HPS1: variants seen among roughly 807,000 people sequenced by gnomAD.
The protein encoded by HPS1 is HPS1 biogenesis of lysosomal organelles complex 3 subunit 1.
In HPS1, 59 loss-of-function variants were observed where a neutral mutation model predicts 90.6. The observed-to-expected ratio is 0.65, with a 90% CI of 0.53 to 0.81. HPS1 has a LOEUF of 0.81. Among genes scored for constraint, HPS1 ranks in the 30% least tolerant of loss-of-function variants. The pLI, the probability that HPS1 is intolerant of heterozygous loss-of-function variation, is 0.00. For missense variants in HPS1, 849 were observed against 896.7 expected, an observed-to-expected ratio of 0.95 and a Z score of 0.68; for synonymous variants, 388 against 384.4, an observed-to-expected ratio of 1.01 and a Z score of -0.11.
At chr10:98,426,118 C>G in intron 11 of HPS1, 133 bp from the exon 12 acceptor site, 1 of 747,388 alleles carries the variant, frequency 1.3e-6, no homozygotes, top group Non-Finnish European at 2.2e-6. Context: ...TTCCTGCACT[C>G]TGCTGAACCT....
In HPS1 at chr10:98,433,118, G is replaced by T. The variant is rs1846738578; in HGVS notation, c.507+865C>A. The stretch of plus-strand genomic sequence containing the variant: ...GTGGTGGCACGTGCCTGTAATCCCA[G>T]CTACTCAGGAGGCTGAGGCAGGAGA... On this transcript the variant is annotated intron_variant, in intron 6 of 19. Transcript: ENST00000361490. Among the ~76,000 whole-genome samples, 7 of 151,900 alleles carry T rather than the reference G, an allele frequency of 4.6e-5. No homozygotes were observed. In the South Asian group the frequency reaches 1.2e-3, roughly 27 times the overall value.
chr10:98,414,932 T>A, downstream of HPS1: 66 of 1,506,556 alleles, frequency 4.4e-5, no homozygotes, highest in Non-Finnish European at 5.6e-5. Context: ...TGGCTCCCCC[T>A]CCCCCTCCCC....
chr10:98,437,910 G>C (rs1163561986), intron 3 of HPS1, among the ~76,000 whole-genome samples: 1 of 152,118 alleles, frequency 6.6e-6, no homozygotes, highest in Non-Finnish European at 1.5e-5. Flanking sequence ...CATGGGGGTG[G>C]TTCCCCCAGG....
Position 98,417,722 on chromosome 10 carries a change from G to A in HPS1, c.1945C>T (p.Leu649Phe). 6.2e-7 allele frequency: 1 copy of A among 1,613,754 alleles called. No individual in the cohort carries two copies. The highest frequency in any genetic ancestry group is 1.3e-5 in the African/African-American group (1 of 75,034). Reference sequence around the variant, plus strand: ...CGGTTCTTGCTGTAGTAGCGCAGGAGCTTCCTGGGGAGGAAGGGGAGGATG... The same window carrying A: ...CGGTTCTTGCTGTAGTAGCGCAGGAACTTCCTGGGGAGGAAGGGGAGGATG... ...GMLGGDYYRK[L>F]LRYYSKNRPT... Residue 649 changes from leucine to phenylalanine, a missense_variant, in exon 20 of 20, where the codon CTC becomes TTC. By Grantham distance (22) the Leu-to-Phe change is conservative. Transcript: ENST00000361490. This position sits in a 1 kb window ranked among gnomAD's most constrained non-coding sequence, Gnocchi z 4.2.
At chr10:98,415,040 C>T (rs771032454), downstream of HPS1, 3 of 1,614,000 alleles carry the variant, frequency 1.9e-6, no homozygotes, top group South Asian at 2.2e-5. Context: ...CATACTCAGG[C>T]TTCAGACCTC....
chr10:98,420,022 C>G, intron 18 of HPS1, 23 bp downstream of exon 18: 2 of 1,469,668 alleles, frequency 1.4e-6, no homozygotes, highest in Non-Finnish European at 1.9e-6. Context: ...CCCGTCCTGG[C>G]CCAGGGACTC....
At chr10:98,420,205 C>G (rs1844673264) in intron 17 of HPS1, 47 bp from the exon 18 acceptor site, 4 of 1,382,652 alleles carry the variant, frequency 2.9e-6, no homozygotes, top group Middle Eastern at 1.8e-4. Context: ...CCTTGGTCTG[C>G]CTGGGCAGCT....
At chr10:98,443,596 G>A (rs1938852240) in intron 2 of HPS1, among the ~76,000 whole-genome samples, 2 of 152,322 alleles carry the variant, frequency 1.3e-5, no homozygotes, top group African/African-American at 4.8e-5. Flanking sequence ...GGCACAGGAA[G>A]GGACCCAGGT....
At chr10:98,415,025 C>G, downstream of HPS1, 1 of 1,613,696 alleles carries the variant, frequency 6.2e-7, no homozygotes, top group Non-Finnish European at 8.5e-7. Context: ...CTATCACCAC[C>G]GCATCATACT....
intron 3 of HPS1, among the ~76,000 whole-genome samples, chr10:98,440,237 A>G (rs75986558): frequency 0.013 from 2,022 of 152,330 alleles, 47 homozygotes; most frequent in African/African-American, 0.045. Context: ...ATAAAGTAGT[A>G]CAATATCTTT....
chr10:98,435,848 C>A lies in HPS1; in HGVS notation c.118-76G>T. The A allele has an allele frequency of 6.3e-7, 1 of 1,590,654 alleles. No homozygotes were observed. Among genetic ancestry groups the A allele is most frequent in the South Asian group, 1.1e-5 (1 of 90,156 alleles). On this transcript the variant is annotated intron_variant, in intron 3 of 19. Coordinates refer to ENST00000361490, the MANE Select transcript of HPS1 (RefSeq NM_000195.5). The surrounding 1 kb of genome is among the most constrained non-coding windows in gnomAD (Gnocchi z 4.3). ...AACTAAGGAAGGGACAAGATCAGGC[C>A]TTGATATCAAGGGTTCCATAGTGTT...
At position 98,435,251 on chromosome 10, in the gene HPS1, G is replaced by C; in HGVS notation, c.398+21C>G. On this transcript the variant is annotated intron_variant, in intron 5 of 19. Transcript: ENST00000361490. This position sits in a 1 kb window ranked among gnomAD's most constrained non-coding sequence, Gnocchi z 4.3. ...GAGGGTGCTCGGCAAAGGACAGAGGGGACCAGCTTTGAAGACTCACTCCTT... is the reference window on the plus strand; with the variant it reads ...GAGGGTGCTCGGCAAAGGACAGAGGCGACCAGCTTTGAAGACTCACTCCTT... 2 of 1,613,876 alleles carry C rather than the reference G, an allele frequency of 1.2e-6. No homozygotes were observed. Among genetic ancestry groups the C allele is most frequent in the Non-Finnish European group, 1.7e-6 (2 of 1,180,028 alleles).
At chr10:98,422,616 A>G (rs1591033212) in intron 16 of HPS1, 103 bp from the exon 17 acceptor site, 1 of 1,180,342 alleles carries the variant, frequency 8.5e-7, no homozygotes, top group Non-Finnish European at 1.3e-6. Flanking sequence ...GAGGGCCAGG[A>G]CTGCCTCTTT....
rs752255371 is a variant in HPS1 at position 98,429,779 on chromosome 10, C to CA, written c.867+11dup. 2.2e-5 allele frequency: 35 copies of CA among 1,613,874 alleles called. No homozygotes were observed. In the South Asian group the frequency reaches 3.7e-4, roughly 17 times the overall value. On this transcript the variant is annotated intron_variant, in intron 9 of 19. Transcript: ENST00000361490. Reference sequence around the variant, plus strand: ...CTCCTGCCCCTGACTCCACGAAGTGCACAGCACACACCGTCTCTGCAGAGC... The same window carrying CA: ...CTCCTGCCCCTGACTCCACGAAGTGCAACAGCACACACCGTCTCTGCAGAGC...
rs1314055121 is a variant in HPS1 at position 98,417,534 on chromosome 10, G to A, written c.*30C>T. 1 of 1,594,146 alleles carries A rather than the reference G, an allele frequency of 6.3e-7. No homozygotes were observed. The highest frequency in any genetic ancestry group is 8.6e-7 in the Non-Finnish European group (1 of 1,168,286). On this transcript the variant is annotated 3_prime_UTR_variant, in exon 20 of 20. Transcript: ENST00000361490. This position sits in a 1 kb window ranked among gnomAD's most constrained non-coding sequence, Gnocchi z 4.2. The stretch of plus-strand genomic sequence containing the variant: ...GCAAGCAAGGGTGGCTGGAGGACAG[G>A]ATGCAAAGGCAGACTGCGGCCACCT...
At position 98,435,826 on chromosome 10, in the gene HPS1, T is replaced by A. The variant is rs2296430; in HGVS notation, c.118-54A>T. 0.3 allele frequency: 484,627 copies of A among 1,610,376 alleles called. 75,607 individuals carry two copies. Among genetic ancestry groups the A allele is most frequent in the African/African-American group, 0.47 (35,007 of 74,778 alleles). ...TTAGAGTGGGCCAGACACCAAGAAC[T>A]AAGGAAGGGACAAGATCAGGCCTTG... On this transcript the variant is annotated intron_variant, in intron 3 of 19. Coordinates refer to ENST00000361490, the MANE Select transcript of HPS1 (RefSeq NM_000195.5). The surrounding 1 kb of genome is among the most constrained non-coding windows in gnomAD (Gnocchi z 4.3).
chr10:98,438,861 G>A lies in HPS1; in HGVS notation c.118-3089C>T, dbSNP rs187372571. 2.6e-5 allele frequency among the ~76,000 whole-genome samples: 4 copies of A among 152,324 alleles called. No individual in the cohort carries two copies. In the East Asian group the frequency reaches 7.7e-4, roughly 29 times the overall value. On this transcript the variant is annotated intron_variant, in intron 3 of 19. Transcript: ENST00000361490. ...CAGCAGGCCCTCTCGCCACAGGCCT[G>A]GAGGCCTAGGAAGAAAAAACTGTTT...
Position 98,417,793 on chromosome 10 carries a change from C to T in HPS1, c.1941-67G>A. 1 of 1,485,812 alleles carries T rather than the reference C, an allele frequency of 6.7e-7. No homozygotes were observed. The highest frequency in any genetic ancestry group is 9.4e-7 in the Non-Finnish European group (1 of 1,067,108). 92.0% of individuals were successfully genotyped at this position (1,485,812 alleles called of 1,614,324 possible). A position where few individuals can be genotyped will look rare whatever the true frequency, so the allele number is the denominator to read the frequency against. ...GGCACTCCTCCAGCGCCAGAGGCCT[C>T]TCTGGGCCCTCGCAAGCAAATGCCC... On this transcript the variant is annotated intron_variant, in intron 19 of 19. Coordinates refer to ENST00000361490, the MANE Select transcript of HPS1 (RefSeq NM_000195.5). The surrounding 1 kb of genome is among the most constrained non-coding windows in gnomAD (Gnocchi z 4.2).
In HPS1 at chr10:98,445,810, G is replaced by A. The variant is rs1939405349; in HGVS notation, c.-105-406C>T. 6.6e-6 allele frequency among the ~76,000 whole-genome samples: 1 copy of A among 152,192 alleles called. No homozygotes were observed. On this transcript the variant is annotated intron_variant, in intron 1 of 19. Transcript: ENST00000361490. The surrounding 1 kb of genome is among the most constrained non-coding windows in gnomAD (Gnocchi z 4.5). ...GGATCCTGGGATGATACGATGAATG[G>A]AAGGAAACTAACAGGAAAGGCATCT... is the stretch of plus-strand genomic sequence containing the variant.
Sources: allele counts gnomAD v4.1 joint callset (sites outside exome capture counted in the v4.1 genomes callset), GRCh38; gene constraint gnomAD v4.1.1; non-coding constraint Gnocchi (gnomAD v3.1); transcripts MANE v1.5; gene names NCBI Gene and HGNC (gene_info 2026-07-23, HGNC 2026-07-21).